Variants in PTPRN2 observed in about 807,000 individuals in gnomAD.
The protein encoded by PTPRN2 is receptor-type tyrosine-protein phosphatase N2.
A neutral mutation model predicts 118.8 loss-of-function variants in PTPRN2; 74 were observed. The ratio of observed to expected loss-of-function variants is 0.62; its 90% CI spans 0.52 to 0.76. The LOEUF is 0.76. Ranked by LOEUF, PTPRN2 falls within the 30% of genes least tolerant of loss-of-function variation. The pLI is 0.00. For missense variants in PTPRN2, 1,481 were observed against 1,394.4 expected (o/e 1.06, Z -0.99); for synonymous variants, 641 against 608.0 (o/e 1.05, Z -0.80).
chr7:158,396,882 G>A (rs1023393327), intron 2 of PTPRN2, among the ~76,000 whole-genome samples: 6 of 152,296 alleles, frequency 3.9e-5, no homozygotes, highest in African/African-American at 1.4e-4. Flanking sequence ...ATAGCCCCCA[G>A]AGAACACTGT....
At chr7:158,420,616 A>G (rs971925558) in intron 2 of PTPRN2, among the ~76,000 whole-genome samples, 1 of 152,162 alleles carries the variant, frequency 6.6e-6, no homozygotes, top group Admixed American at 6.5e-5. Context: ...ATTGCCCCTG[A>G]GTTCCCTTCC....
chr7:158,281,973 G>A (rs151292905), intron 3 of PTPRN2, among the ~76,000 whole-genome samples: 12 of 152,142 alleles, frequency 7.9e-5, no homozygotes, highest in African/African-American at 1.2e-4. Flanking sequence ...CCCAGCCATC[G>A]TCTCCCAGAC....
At chr7:157,809,633 G>A (rs1394809353) in intron 12 of PTPRN2, among the ~76,000 whole-genome samples, 2 of 152,138 alleles carry the variant, frequency 1.3e-5, no homozygotes, top group Non-Finnish European at 2.9e-5. Flanking sequence ...GCACAGACAC[G>A]CCCCGAGGAC....
chr7:158,538,375 G>A (rs781710365), intron 1 of PTPRN2, among the ~76,000 whole-genome samples: 7 of 152,172 alleles, frequency 4.6e-5, no homozygotes, highest in East Asian at 1.9e-4. Flanking sequence ...ACCCCTGCGC[G>A]GCGTGTCCCT....
At chr7:158,150,322 ACAAGCATGTTCCATTT>A (rs1401565652) in intron 6 of PTPRN2, among the ~76,000 whole-genome samples, 1 of 152,356 alleles carries the variant, frequency 6.6e-6, no homozygotes, top group East Asian at 1.9e-4. Context: ...CATTCAGCTG[ACAAGCATGTTCCATTT>A]CTGAGTACCT....
intron 21 of PTPRN2, among the ~76,000 whole-genome samples, chr7:157,553,154 G>A (rs1446988998): frequency 6.6e-6 from 1 of 152,214 alleles, no homozygotes; most frequent in Non-Finnish European, 1.5e-5. Context: ...CAGCCCTCCT[G>A]AGACATCACG....
chr7:158,062,820 G>A (rs1327527252), intron 11 of PTPRN2, among the ~76,000 whole-genome samples: 1 of 152,200 alleles, frequency 6.6e-6, no homozygotes, highest in African/African-American at 2.4e-5. Context: ...GGGGCAGGGC[G>A]CGGGATCTGC....
intron 1 of PTPRN2, among the ~76,000 whole-genome samples, chr7:158,527,212 C>T (rs1824846938): frequency 6.6e-6 from 1 of 150,468 alleles, no homozygotes; most frequent in Non-Finnish European, 1.5e-5. Context: ...TGGCCCTCAC[C>T]TCCCCCCACC....
At chr7:158,056,108 C>T (rs1034153741) in intron 11 of PTPRN2, among the ~76,000 whole-genome samples, 3 of 152,212 alleles carry the variant, frequency 2.0e-5, no homozygotes, top group Non-Finnish European at 4.4e-5. Flanking sequence ...TAATGCAGAC[C>T]TTCTCCCACA....
chr7:157,571,199 A>G (rs1799739514), intron 20 of PTPRN2, among the ~76,000 whole-genome samples: 1 of 41,230 alleles, frequency 2.4e-5, no homozygotes, highest in African/African-American at 1.0e-4. Flanking sequence ...TGGGCAACAG[A>G]GTTAAAAAAA....
intron 6 of PTPRN2, among the ~76,000 whole-genome samples, chr7:158,159,599 G>A (rs1231000115): frequency 6.6e-6 from 1 of 152,174 alleles, no homozygotes; most frequent in Non-Finnish European, 1.5e-5. Flanking sequence ...TTTGTTTCCC[G>A]TTCAGTGTGG....
At chr7:157,597,595 A>C (rs1218096261) in intron 16 of PTPRN2, among the ~76,000 whole-genome samples, 1 of 152,216 alleles carries the variant, frequency 6.6e-6, no homozygotes, top group Non-Finnish European at 1.5e-5. Context: ...GATTGAAAGT[A>C]AAATGCTGGA....
At chr7:158,295,002 C>T (rs1439626656) in intron 3 of PTPRN2, among the ~76,000 whole-genome samples, 1 of 148,120 alleles carries the variant, frequency 6.8e-6, no homozygotes, top group Non-Finnish European at 1.5e-5. Context: ...CCAGACACTG[C>T]ACCACCTTCC....
At chr7:157,580,267 GTAAA>G (rs1800274717) in intron 17 of PTPRN2, among the ~76,000 whole-genome samples, 1 of 152,138 alleles carries the variant, frequency 6.6e-6, no homozygotes, top group South Asian at 2.1e-4. Flanking sequence ...CTTTCAGGAA[GTAAA>G]TAATGACCCA....
intron 1 of PTPRN2, among the ~76,000 whole-genome samples, chr7:158,578,799 G>A (rs1394504318): frequency 1.3e-5 from 2 of 150,896 alleles, no homozygotes; most frequent in African/African-American, 2.4e-5. Flanking sequence ...GTCTCCCTCT[G>A]TTGCCCAGGC....
chr7:158,526,053 T>C lies in PTPRN2; in HGVS notation c.113-36268A>G, dbSNP rs1203051383. Reference sequence around the variant, plus strand: ...CCTCTGGCTGGCATTGTGCAGTCCTTCCTTCCTCAGCAGCGCTGTGTGGGA... The same window carrying C: ...CCTCTGGCTGGCATTGTGCAGTCCTCCCTTCCTCAGCAGCGCTGTGTGGGA... On this transcript the variant is annotated intron_variant, in intron 1 of 22. Transcript: ENST00000389418. The surrounding 1 kb of genome is among the most constrained non-coding windows in gnomAD (Gnocchi z 5.2). Among the ~76,000 whole-genome samples the C allele has an allele frequency of 1.3e-5, 2 of 152,164 alleles. No individual in the cohort carries two copies. Among genetic ancestry groups the C allele is most frequent in the Non-Finnish European group, 2.9e-5 (2 of 68,008 alleles).
intron 22 of PTPRN2, among the ~76,000 whole-genome samples, chr7:157,542,542 C>T (rs1357877093): frequency 1.3e-5 from 2 of 151,718 alleles, no homozygotes. Context: ...GCCCAGCGGC[C>T]TCTCAGGCAG....
chr7:158,168,363 G>A (rs552081497), intron 5 of PTPRN2, among the ~76,000 whole-genome samples: 8 of 152,288 alleles, frequency 5.3e-5, no homozygotes, highest in African/African-American at 1.4e-4. Flanking sequence ...GAGGCTCGGC[G>A]GTGCCTCCCT....
At chr7:158,314,392 A>G (rs1802116783) in intron 3 of PTPRN2, among the ~76,000 whole-genome samples, 1 of 152,252 alleles carries the variant, frequency 6.6e-6, no homozygotes, top group Non-Finnish European at 1.5e-5. Context: ...ACACAGTTGA[A>G]TATTTACACA....
Sources: gnomAD v4.1 joint callset for allele counts (sites outside exome capture counted in the v4.1 genomes callset) on GRCh38, gnomAD v4.1.1 for gene constraint, Gnocchi (gnomAD v3.1) non-coding constraint, MANE v1.5 for transcripts, NCBI Gene and HGNC (gene_info 2026-07-23, HGNC 2026-07-21) for gene names.